WDR44: variants seen among roughly 807,000 people sequenced by gnomAD.
WDR44 encodes WD repeat-containing protein 44.
In WDR44, 9 loss-of-function variants were observed where a neutral mutation model predicts 65.7. The observed-to-expected ratio is 0.14, with a 90% confidence interval of 0.08 to 0.24. The LOEUF is 0.24. Among genes scored for constraint, WDR44 ranks in the 10% least tolerant of loss-of-function variants. WDR44 has a pLI of 1.00. For missense variants in WDR44, 425 were observed against 670.9 expected (o/e 0.63, Z 4.05); for synonymous variants, 220 against 235.2 (o/e 0.94, Z 0.59).
At chrX:118,387,288 T>G in intron 2 of WDR44, 52 bp from the exon 3 acceptor site, 1 of 929,868 alleles carries the variant, frequency 1.1e-6, no homozygotes, top group Non-Finnish European at 1.5e-6. Flanking sequence ...AAGCATATTT[T>G]TAAAGAAAAG....
rs1207366776 is a variant in WDR44 at position 118,449,001 on chromosome X, T to G, written c.*14T>G. 9.1e-7 allele frequency: 1 copy of G among 1,103,368 alleles called. No individual in the cohort carries two copies. The allele number at this position is 1,103,368 out of a possible 1,213,427, so 90.9% of individuals were successfully genotyped here. On this transcript the variant is annotated 3_prime_UTR_variant, in exon 20 of 20. Coordinates refer to ENST00000254029, the MANE Select transcript of WDR44 (RefSeq NM_019045.5). ...AATGTATCTTAATTTGAAATGGCATTTAAAATAAACATATCAGTAAGTTTC... is the reference window on the plus strand; with the variant it reads ...AATGTATCTTAATTTGAAATGGCATGTAAAATAAACATATCAGTAAGTTTC...
chrX:118,388,687 CA>C (rs1470270431), intron 3 of WDR44, among the ~76,000 whole-genome samples: 3 of 111,580 alleles, frequency 2.7e-5, no homozygotes. Context: ...GGAATTGAAC[CA>C]TTTTTTTAAA....
intron 1 of WDR44, among the ~76,000 whole-genome samples, chrX:118,374,725 G>A (rs746417994): frequency 9.0e-6 from 1 of 111,623 alleles, no homozygotes; most frequent in Non-Finnish European, 1.9e-5. Context: ...ACTACTGACA[G>A]ACTGCCAAAG....
At position 118,346,185 on chromosome X, in the gene WDR44, G is replaced by T. The variant is rs1038815796; in HGVS notation, c.-319G>T. 7.3e-5 allele frequency: 22 copies of T among 301,826 alleles called. No individual in the cohort carries two copies. The highest frequency in any genetic ancestry group is 4.7e-4 in the African/African-American group (17 of 36,342). 24.9% of individuals were successfully genotyped at this position (301,826 alleles called of 1,213,427 possible). A position where few individuals can be genotyped will look rare whatever the true frequency, so the allele number is the denominator to read the frequency against. ...AAACTGGAGCCGCTGTAGCCGGCGC[G>T]CCCTTCTTCCCTTACTGCGAGGAGC... is the stretch of plus-strand genomic sequence containing the variant. On this transcript the variant is annotated 5_prime_UTR_variant, in exon 1 of 20. Transcript: ENST00000254029.
intron 12 of WDR44, among the ~76,000 whole-genome samples, chrX:118,423,176 T>C (rs1213729524): frequency 3.8e-5 from 4 of 105,214 alleles, no homozygotes; most frequent in Non-Finnish European, 7.8e-5. Flanking sequence ...TATAAAGTTG[T>C]TTTTTTTTTG....
intron 4 of WDR44, among the ~76,000 whole-genome samples, chrX:118,393,592 CA>C (rs34351231): frequency 0.16 from 13,668 of 82,925 alleles, 1,126 homozygotes; most frequent in African/African-American, 0.33. Flanking sequence ...AATCTTGTCT[CA>C]AAAAAAAAAA....
In WDR44 at chrX:118,423,318, A is replaced by G. The variant is rs1000234283; in HGVS notation, c.1738-9463A>G. 9.0e-5 allele frequency among the ~76,000 whole-genome samples: 10 copies of G among 110,641 alleles called. No individual in the cohort carries two copies. The South Asian group carries it at 1.2e-3, about 13-fold the overall frequency. On this transcript the variant is annotated intron_variant, in intron 12 of 19. Transcript: ENST00000254029. Reference sequence around the variant, plus strand: ...CAAGTAGCTGGAATTACAGGCACGTACCACCACTCCCAGCTAATTTTTTTG... The same window carrying G: ...CAAGTAGCTGGAATTACAGGCACGTGCCACCACTCCCAGCTAATTTTTTTG...
Position 118,436,229 on chromosome X carries a change from AT to A in WDR44, c.1852-470del, listed in dbSNP as rs199508874. On this transcript the variant is annotated intron_variant, in intron 13 of 19. Coordinates refer to ENST00000254029, the MANE Select transcript of WDR44 (RefSeq NM_019045.5). ...TGTGACAGGTGCACAATAACTTTTCATTTCCATGCTGCATTATAGGGTAATC... is the reference window on the plus strand; with the variant it reads ...TGTGACAGGTGCACAATAACTTTTCATTCCATGCTGCATTATAGGGTAATC... Among the ~76,000 whole-genome samples the A allele has an allele frequency of 4.9e-3, 555 of 112,243 alleles. 3 individuals are homozygous for A. The highest frequency in any genetic ancestry group is 9.2e-3 in the Middle Eastern group (2 of 217).
At chrX:118,358,775 A>C (rs1348638286) in intron 1 of WDR44, among the ~76,000 whole-genome samples, 1 of 111,660 alleles carries the variant, frequency 9.0e-6, no homozygotes, top group African/African-American at 3.3e-5. Flanking sequence ...GGTAACTTAC[A>C]AAACCATATT....
intron 19 of WDR44, among the ~76,000 whole-genome samples, chrX:118,446,035 G>GAAAAAAAAAAAAAAAAAAAA (rs71931551): frequency 3.1e-5 from 2 of 65,375 alleles, no homozygotes; most frequent in Non-Finnish European, 3.3e-5. Flanking sequence ...TCTCAAAAAA[G>GAAAAAAAAAAAAAAAAAAAA]AAAAAAAAAA....
intron 12 of WDR44, among the ~76,000 whole-genome samples, chrX:118,416,644 T>C (rs1322503510): frequency 9.0e-6 from 1 of 111,680 alleles, no homozygotes; most frequent in African/African-American, 3.3e-5. Context: ...CGCTATTGAA[T>C]AGAATGTGTA....
At chrX:118,411,723 T>C (rs1272672205) in intron 12 of WDR44, among the ~76,000 whole-genome samples, 1 of 112,305 alleles carries the variant, frequency 8.9e-6, no homozygotes. Flanking sequence ...TATGCTCTTC[T>C]TCTAGTCCTG....
intron 1 of WDR44, among the ~76,000 whole-genome samples, chrX:118,352,282 T>G (rs1182379773): frequency 1.3e-4 from 11 of 86,557 alleles, no homozygotes; most frequent in African/African-American, 4.7e-4. Context: ...CCCAAGTAGC[T>G]GGGACCACAT....
chrX:118,388,520 A>G (rs1003697916), intron 3 of WDR44, among the ~76,000 whole-genome samples: 5 of 111,228 alleles, frequency 4.5e-5, no homozygotes, highest in East Asian at 2.8e-4. Context: ...AGCTCAGGCA[A>G]TCCACCCACC....
At chrX:118,431,473 C>T (rs183422920) in intron 12 of WDR44, among the ~76,000 whole-genome samples, 395 of 110,905 alleles carry the variant, frequency 3.6e-3, no homozygotes, top group Non-Finnish European at 6.0e-3. Flanking sequence ...CCAGCTAATA[C>T]TGTGTTTTTA....
chrX:118,372,715 C>CAATGCAG lies in WDR44; in HGVS notation c.78-5702_78-5696dup, dbSNP rs773939387. ...ATTAAGGAAATCTGGTTTCCCAGCT[C>CAATGCAG]AATGCAGATTAGAAGCACAAGTGAG... On this transcript the variant is annotated intron_variant, in intron 1 of 19. Transcript: ENST00000254029. 8.9e-5 allele frequency among the ~76,000 whole-genome samples: 10 copies of CAATGCAG among 112,190 alleles called. No individual in the cohort carries two copies. In the East Asian group the frequency reaches 2.8e-3, roughly 31 times the overall value.
At chrX:118,413,659 TC>T (rs1342174500) in intron 12 of WDR44, among the ~76,000 whole-genome samples, 4 of 112,300 alleles carry the variant, frequency 3.6e-5, no homozygotes, top group Non-Finnish European at 7.5e-5. Flanking sequence ...TGCTGACTGT[TC>T]CTTTTGCTGT....
chrX:118,374,248 T>G (rs1359861707), intron 1 of WDR44, among the ~76,000 whole-genome samples: 3 of 111,815 alleles, frequency 2.7e-5, no homozygotes, highest in Non-Finnish European at 5.6e-5. Flanking sequence ...CTAAATAATG[T>G]TTTTTATTGC....
intron 19 of WDR44, chrX:118,447,046 T>C: frequency 3.2e-6 from 1 of 316,650 alleles, no homozygotes; most frequent in South Asian, 2.8e-5. Flanking sequence ...TTTTTTTTTT[T>C]TTCTTTTTGC....
Sources: gnomAD v4.1 joint callset for allele counts (sites outside exome capture counted in the v4.1 genomes callset) on GRCh38, gnomAD v4.1.1 for gene constraint, MANE v1.5 for transcripts, NCBI Gene and HGNC (gene_info 2026-07-23, HGNC 2026-07-21) for gene names.